The following ECHDC1 variants were observed in gnomAD, a reference collection of about 807,000 sequenced individuals.
ECHDC1 encodes the protein ethylmalonyl-CoA decarboxylase 1, also known as ethylmalonyl-CoA decarboxylase.
A neutral mutation model predicts 29.7 loss-of-function variants in ECHDC1; 29 were observed. The observed-to-expected ratio is 0.98, with a 90% CI of 0.73 to 1.33. The LOEUF is 1.33. Ranked by LOEUF, ECHDC1 falls within the 40% of genes most tolerant of loss-of-function variation. The probability of loss-of-function intolerance (pLI) is 0.00; values close to 1 mark genes in which losing one functional copy is unlikely to be tolerated. For missense variants in ECHDC1, 328 were observed against 350.0 expected (o/e 0.94, Z 0.50); for synonymous variants, 126 against 123.1 (o/e 1.02, Z -0.15).
chr6:127,289,850 C>A lies in ECHDC1; in HGVS notation c.*19G>T. The A allele has an allele frequency of 6.3e-7, 1 of 1,592,212 alleles. No homozygotes were observed. Among genetic ancestry groups the A allele is most frequent in the Non-Finnish European group, 8.5e-7 (1 of 1,169,864 alleles). On this transcript the variant is annotated 3_prime_UTR_variant, in exon 6 of 6. Transcript: ENST00000454859. ...AGTCACTGGAGCTTTACTTGGAGTA[C>A]ATCCACACGAAAAACCAATTATTTA...
At chr6:127,306,072 T>C (rs956529339) in intron 5 of ECHDC1, among the ~76,000 whole-genome samples, 2 of 145,880 alleles carry the variant, frequency 1.4e-5, no homozygotes, top group African/African-American at 5.0e-5. Flanking sequence ...ATTTCACCTA[T>C]AAAGACACAC....
intron 5 of ECHDC1, among the ~76,000 whole-genome samples, chr6:127,303,900 T>C (rs1781247949): frequency 2.0e-5 from 3 of 152,194 alleles, no homozygotes; most frequent in African/African-American, 7.2e-5. Flanking sequence ...GCTAGACTTC[T>C]AAAGTTTTTG....
intron 5 of ECHDC1, among the ~76,000 whole-genome samples, chr6:127,298,825 A>G (rs1256696744): frequency 1.3e-5 from 2 of 152,076 alleles, no homozygotes; most frequent in African/African-American, 2.4e-5. Flanking sequence ...ATGTTACATA[A>G]TACTTGATAA....
chr6:127,306,014 T>TAAAAAAAA (rs773854477), intron 5 of ECHDC1, among the ~76,000 whole-genome samples: 9 of 124,344 alleles, frequency 7.2e-5, no homozygotes, highest in Non-Finnish European at 1.0e-4. Context: ...GTTGATAGAT[T>TAAAAAAAA]AAAAAAAAAA....
intron 5 of ECHDC1, among the ~76,000 whole-genome samples, chr6:127,299,558 G>A (rs911354216): frequency 6.6e-6 from 1 of 151,904 alleles, no homozygotes; most frequent in African/African-American, 2.4e-5. Flanking sequence ...AAATGTGTTT[G>A]TGTTTTACAT....
chr6:127,317,954 A>T (rs1325812224), intron 3 of ECHDC1: 3 of 152,218 alleles, frequency 2.0e-5, no homozygotes, highest in Non-Finnish European at 4.4e-5. Flanking sequence ...GGGTGCATTC[A>T]GGGTGGTATG....
intron 4 of ECHDC1, chr6:127,315,851 T>A: frequency 2.3e-6 from 1 of 427,528 alleles, no homozygotes; most frequent in Non-Finnish European, 4.8e-6. Flanking sequence ...TTACTTTTCA[T>A]AATTTTAAAT....
intron 5 of ECHDC1, among the ~76,000 whole-genome samples, chr6:127,312,665 A>T (rs2144743): frequency 0.73 from 110,892 of 152,022 alleles, 40,627 homozygotes; most frequent in East Asian, 0.78. Flanking sequence ...ATAATAGGCC[A>T]AAACAAGAAA....
At chr6:127,295,539 A>G (rs1258008804) in intron 5 of ECHDC1, among the ~76,000 whole-genome samples, 2 of 152,352 alleles carry the variant, frequency 1.3e-5, no homozygotes, top group South Asian at 2.1e-4. Flanking sequence ...AAATTTATGC[A>G]TCACCAAAAA....
chr6:127,309,483 ACACACACACACACACACACACAC>A (rs1272363676), intron 5 of ECHDC1, among the ~76,000 whole-genome samples: 46 of 228 alleles, frequency 0.2, no homozygotes, highest in Admixed American at 0.25. Context: ...ACAACAAAAC[ACACACACACACACACACACACAC>A]ACACACACAC....
intron 3 of ECHDC1, among the ~76,000 whole-genome samples, chr6:127,319,062 T>C (rs1353879527): frequency 6.6e-6 from 1 of 152,242 alleles, no homozygotes; most frequent in Non-Finnish European, 1.5e-5. Flanking sequence ...TCCAATGAAG[T>C]ATCTAGAATT....
At chr6:127,303,912 C>A (rs964382341) in intron 5 of ECHDC1, among the ~76,000 whole-genome samples, 1 of 152,156 alleles carries the variant, frequency 6.6e-6, no homozygotes, top group African/African-American at 2.4e-5. Flanking sequence ...AAGTTTTTGA[C>A]TCTAGTGTCA....
intron 2 of ECHDC1, among the ~76,000 whole-genome samples, chr6:127,329,421 C>G (rs187203965): frequency 6.6e-6 from 1 of 152,234 alleles, no homozygotes; most frequent in African/African-American, 2.4e-5. Context: ...AGAAATAAAT[C>G]ATCACTATTG....
At chr6:127,292,285 A>T (rs760632572) in intron 5 of ECHDC1, among the ~76,000 whole-genome samples, 2 of 152,094 alleles carry the variant, frequency 1.3e-5, no homozygotes, top group African/African-American at 4.8e-5. Context: ...GTTATTACCT[A>T]TGTAAGCACA....
intron 3 of ECHDC1, among the ~76,000 whole-genome samples, chr6:127,320,023 A>T (rs967685327): frequency 1.6e-4 from 24 of 151,910 alleles, no homozygotes; most frequent in African/African-American, 5.8e-4. Flanking sequence ...AGAAAATTAA[A>T]ATAGTTTTTT....
In ECHDC1 at chr6:127,290,083, T is replaced by C. The variant is rs369679516; in HGVS notation, c.692A>G (p.Asp231Gly). Reference protein sequence around the residue: ...GMVEEVLQSSDETKSLEEAQE... With the variant: ...GMVEEVLQSSGETKSLEEAQE... Reference sequence around the variant, plus strand: ...TGCCTCTTCTAGAGATTTAGTTTCATCTGAAGACTGCAAGACCTCTTCAAC... The same window carrying C: ...TGCCTCTTCTAGAGATTTAGTTTCACCTGAAGACTGCAAGACCTCTTCAAC... Residue 231 changes from aspartate (D) to glycine (G), a missense_variant, in exon 6 of 6, where the codon GAT becomes GGT. Asp to Gly is a moderately conservative substitution (Grantham distance 94, BLOSUM62 -1). Transcript: ENST00000454859. The C allele has an allele frequency of 6.2e-7, 1 of 1,613,754 alleles. No individual in the cohort carries two copies. The highest frequency in any genetic ancestry group is 8.5e-7 in the Non-Finnish European group (1 of 1,179,764).
At chr6:127,316,536 T>C (rs755240635) in intron 3 of ECHDC1, 34 bp from the exon 4 acceptor site, 5 of 1,540,724 alleles carry the variant, frequency 3.2e-6, no homozygotes, top group South Asian at 2.4e-5. Flanking sequence ...CACAAAGGTA[T>C]AATGCAAATA....
rs1237137525 is a variant in ECHDC1 at position 127,295,969 on chromosome 6, A to G, written c.498-5692T>C. Among the ~76,000 whole-genome samples the G allele has an allele frequency of 3.3e-5, 5 of 152,332 alleles. No homozygotes were observed. The East Asian group carries it at 7.7e-4, about 24-fold the overall frequency. The stretch of plus-strand genomic sequence containing the variant: ...ACAAATAGTGTTGGGACAAATTGCC[A>G]TTTGGAAAAAAGATGAAATAAGATC... On this transcript the variant is annotated intron_variant, in intron 5 of 5. Coordinates refer to ENST00000454859, the MANE Select transcript of ECHDC1 (RefSeq NM_001002030.2).
chr6:127,323,540 C>G (rs763210141), intron 3 of ECHDC1, among the ~76,000 whole-genome samples: 1 of 152,006 alleles, frequency 6.6e-6, no homozygotes, highest in Non-Finnish European at 1.5e-5. Context: ...AATAGCTCAG[C>G]GAAATATCCA....
Sources: allele counts gnomAD v4.1 joint callset (sites outside exome capture counted in the v4.1 genomes callset), GRCh38; gene constraint gnomAD v4.1.1; transcripts MANE v1.5; gene names NCBI Gene and HGNC (gene_info 2026-07-23, HGNC 2026-07-21).